NPFFR2: variants seen among roughly 807,000 people sequenced by gnomAD.
NPFFR2 encodes the protein neuropeptide FF receptor 2.
Under a neutral mutation model 13.1 loss-of-function variants are expected in NPFFR2, and 15 were observed. That is an observed-to-expected ratio of 1.15 (90% CI 0.77 to 1.76). NPFFR2 has a LOEUF of 1.76. Among genes scored for constraint, NPFFR2 ranks in the 40% most tolerant of loss-of-function variants. The pLI is 0.00. For synonymous variants in NPFFR2, 190 were observed against 175.7 expected, an observed-to-expected ratio of 1.08 and a Z score of -0.65; for missense variants, 572 against 503.5, an observed-to-expected ratio of 1.14 and a Z score of -1.30.
intron 1 of NPFFR2, among the ~76,000 whole-genome samples, chr4:72,099,289 T>TA (rs144806268): frequency 0.029 from 4,435 of 152,236 alleles, 175 homozygotes; most frequent in African/African-American, 0.09. Context: ...ATGGATCTGG[T>TA]AAAAAATTGA....
intron 1 of NPFFR2, among the ~76,000 whole-genome samples, chr4:72,083,317 A>G (rs1487438532): frequency 6.6e-6 from 1 of 152,190 alleles, no homozygotes; most frequent in Non-Finnish European, 1.5e-5. Flanking sequence ...AACAGCATAC[A>G]AGGGTTCTCT....
chr4:72,060,001 A>G lies in NPFFR2; in HGVS notation c.-8+27801A>G, dbSNP rs138213539. 8.5e-4 allele frequency among the ~76,000 whole-genome samples: 129 copies of G among 152,232 alleles called. No homozygotes were observed. In the East Asian group the frequency reaches 0.013, roughly 16 times the overall value. On this transcript the variant is annotated intron_variant, in intron 1 of 3. Coordinates refer to ENST00000308744, the MANE Select transcript of NPFFR2 (RefSeq NM_004885.3). ...CCTTTATTAAAACATCTATGGAAAT[A>G]TTTGAGGCAGTGATATATGATGCTT...
intron 1 of NPFFR2, among the ~76,000 whole-genome samples, chr4:72,044,596 G>A (rs1003489571): frequency 6.6e-6 from 1 of 151,964 alleles, no homozygotes; most frequent in Admixed American, 6.6e-5. Context: ...TTCAAACTAG[G>A]GTAAGATGAT....
At chr4:72,137,865 T>C (rs1722466641) in intron 2 of NPFFR2, among the ~76,000 whole-genome samples, 175 bp from the exon 3 acceptor site, 1 of 152,230 alleles carries the variant, frequency 6.6e-6, no homozygotes, top group African/African-American at 2.4e-5. Flanking sequence ...ATTGTTAGTG[T>C]ACTGAAAAGC....
intron 1 of NPFFR2, among the ~76,000 whole-genome samples, chr4:72,038,740 A>G (rs920635973): frequency 2.6e-5 from 4 of 152,118 alleles, no homozygotes; most frequent in Admixed American, 2.6e-4. Flanking sequence ...TTTACTTTTT[A>G]TTAAAGTTAC....
chr4:72,102,344 G>A (rs1017094338), intron 1 of NPFFR2, among the ~76,000 whole-genome samples: 1 of 151,910 alleles, frequency 6.6e-6, no homozygotes, highest in Non-Finnish European at 1.5e-5. Flanking sequence ...AAATTAATAT[G>A]GCAACTTAAT....
chr4:72,041,009 A>G (rs1028300966), intron 1 of NPFFR2, among the ~76,000 whole-genome samples: 21 of 151,442 alleles, frequency 1.4e-4, no homozygotes, highest in Non-Finnish European at 7.4e-5. Context: ...TTTTTAACTT[A>G]TTTTATATTC....
intron 1 of NPFFR2, among the ~76,000 whole-genome samples, chr4:72,032,971 T>G (rs1718964336): frequency 6.6e-6 from 1 of 152,202 alleles, no homozygotes; most frequent in African/African-American, 2.4e-5. Flanking sequence ...AAAATCTTAA[T>G]GATAACATGA....
intron 1 of NPFFR2, among the ~76,000 whole-genome samples, chr4:72,097,500 T>C (rs1389615801): frequency 6.6e-6 from 1 of 152,152 alleles, no homozygotes; most frequent in African/African-American, 2.4e-5. Context: ...TTTAATAAAA[T>C]TGGTCTGTGA....
chr4:72,126,401 A>AT (rs1722044799), intron 1 of NPFFR2, among the ~76,000 whole-genome samples: 1 of 152,220 alleles, frequency 6.6e-6, no homozygotes, highest in Non-Finnish European at 1.5e-5. Context: ...ATTCATTTTC[A>AT]TTTATGGGCA....
At chr4:72,041,518 A>G (rs913165297) in intron 1 of NPFFR2, among the ~76,000 whole-genome samples, 9 of 152,214 alleles carry the variant, frequency 5.9e-5, no homozygotes, top group African/African-American at 2.2e-4. Context: ...ATACCAAGTA[A>G]TGGGATTGCT....
chr4:72,043,258 T>G (rs1306105862), intron 1 of NPFFR2, among the ~76,000 whole-genome samples: 1 of 61,954 alleles, frequency 1.6e-5, no homozygotes, highest in Non-Finnish European at 4.4e-5. Flanking sequence ...CTGCAGGGGC[T>G]GATCGCTTGT....
intron 2 of NPFFR2, among the ~76,000 whole-genome samples, chr4:72,133,712 A>T (rs1423396263): frequency 6.6e-6 from 1 of 152,108 alleles, no homozygotes; most frequent in East Asian, 1.9e-4. Context: ...CTCCTTGTAG[A>T]AATCTTTCAC....
In NPFFR2 at chr4:72,082,810, C is replaced by T. The variant is rs535310000; in HGVS notation, c.-7-45775C>T. On this transcript the variant is annotated intron_variant, in intron 1 of 3. Coordinates refer to ENST00000308744, the MANE Select transcript of NPFFR2 (RefSeq NM_004885.3). ...CTTTGATCAACATCTCCCCATTCCA[C>T]CTGCCCACCCCAGCCCCCACTCCCT... is the stretch of plus-strand genomic sequence containing the variant. Among the ~76,000 whole-genome samples the T allele has an allele frequency of 1.1e-4, 16 of 152,218 alleles. No homozygotes were observed. The South Asian group carries it at 3.1e-3, about 30-fold the overall frequency.
intron 1 of NPFFR2, among the ~76,000 whole-genome samples, chr4:72,041,335 T>A (rs537373773): frequency 1.3e-5 from 2 of 152,358 alleles, no homozygotes; most frequent in South Asian, 4.1e-4. Flanking sequence ...ATGCTGTTCT[T>A]TTTTATAACT....
intron 1 of NPFFR2, among the ~76,000 whole-genome samples, chr4:72,059,015 C>T (rs1719842428): frequency 6.6e-6 from 1 of 152,108 alleles, no homozygotes; most frequent in African/African-American, 2.4e-5. Context: ...TAATGGAACT[C>T]TCTTTCCCTT....
chr4:72,115,410 G>C (rs1289797332), intron 1 of NPFFR2, among the ~76,000 whole-genome samples: 1 of 152,104 alleles, frequency 6.6e-6, no homozygotes, highest in Admixed American at 6.6e-5. Context: ...CAGTGGGATG[G>C]ATGTGAGGTT....
intron 3 of NPFFR2, among the ~76,000 whole-genome samples, chr4:72,141,033 T>C (rs906443225): frequency 6.6e-6 from 1 of 152,244 alleles, no homozygotes; most frequent in Non-Finnish European, 1.5e-5. Flanking sequence ...TTAGATTTTC[T>C]AGTTTATTTG....
chr4:72,087,595 A>G (rs1275135522), intron 1 of NPFFR2, among the ~76,000 whole-genome samples: 5 of 151,962 alleles, frequency 3.3e-5, no homozygotes, highest in Non-Finnish European at 5.9e-5. Context: ...GAGCCCCTGT[A>G]TAGGATGGGG....
Sources: allele counts gnomAD v4.1 joint callset (sites outside exome capture counted in the v4.1 genomes callset), GRCh38; gene constraint gnomAD v4.1.1; transcripts MANE v1.5; gene names NCBI Gene and HGNC (gene_info 2026-07-23, HGNC 2026-07-21).